The following KHDRBS2 variants were observed in gnomAD, a reference collection of about 807,000 sequenced individuals.
The protein encoded by KHDRBS2 is KH RNA binding domain containing, signal transduction associated 2.
In KHDRBS2, 26 loss-of-function variants were observed where a neutral mutation model predicts 44.3. That is an observed-to-expected ratio of 0.59 (90% CI 0.43 to 0.81). KHDRBS2 has a LOEUF of 0.81. Among genes scored for constraint, KHDRBS2 ranks in the 40% least tolerant of loss-of-function variants. The probability of loss-of-function intolerance (pLI) is 0.00; values close to 1 mark genes in which losing one functional copy is unlikely to be tolerated. For missense variants in KHDRBS2, 476 were observed against 433.1 expected (o/e 1.10, Z -0.88); for synonymous variants, 194 against 151.1 (o/e 1.28, Z -2.08).
the KHDRBS2 span, among the ~76,000 whole-genome samples, chr6:61,607,325 A>G: frequency 6.6e-6 from 1 of 151,576 alleles, no homozygotes; most frequent in African/African-American, 2.4e-5. Context: ...ATACTGCACA[A>G]TTTAATAAAC....
intron 6 of KHDRBS2, among the ~76,000 whole-genome samples, chr6:61,861,602 G>C (rs1443165797): frequency 2.0e-5 from 3 of 149,756 alleles, no homozygotes; most frequent in Non-Finnish European, 4.4e-5. Flanking sequence ...GTACCATGCT[G>C]TTTCAATTAC....
chr6:62,217,111 T>C (rs1830140461), intron 1 of KHDRBS2, among the ~76,000 whole-genome samples: 1 of 151,654 alleles, frequency 6.6e-6, no homozygotes, highest in Non-Finnish European at 1.5e-5. Flanking sequence ...CATTATTATT[T>C]ATTTCAAACA....
At chr6:62,071,923 A>C (rs1438613872) in intron 2 of KHDRBS2, among the ~76,000 whole-genome samples, 1 of 152,092 alleles carries the variant, frequency 6.6e-6, no homozygotes, top group Admixed American at 6.6e-5. Flanking sequence ...TCTATAAATT[A>C]CCTTGGACAG....
At chr6:61,830,357 G>T (rs1791599106) in intron 6 of KHDRBS2, among the ~76,000 whole-genome samples, 1 of 152,144 alleles carries the variant, frequency 6.6e-6, no homozygotes, top group Non-Finnish European at 1.5e-5. Context: ...ATTGTTAGAG[G>T]TCTTCTCTGA....
the KHDRBS2 span, among the ~76,000 whole-genome samples, chr6:61,646,435 T>G: frequency 1.4e-4 from 22 of 152,302 alleles, no homozygotes; most frequent in East Asian, 3.5e-3. Context: ...GACAACTACT[T>G]TCTTTTCTTC....
intron 2 of KHDRBS2, among the ~76,000 whole-genome samples, chr6:62,062,921 A>C (rs1377993112): frequency 1.3e-5 from 2 of 149,798 alleles, no homozygotes; most frequent in East Asian, 4.0e-4. Context: ...AATCAAATAG[A>C]CGCAATAAAA....
intron 7 of KHDRBS2, among the ~76,000 whole-genome samples, chr6:61,707,850 C>T (rs1769844217): frequency 1.3e-5 from 2 of 151,512 alleles, no homozygotes; most frequent in African/African-American, 4.8e-5. Context: ...AATGGAAAAC[C>T]ATGGGAAAGA....
At chr6:62,212,051 C>T (rs1829145318) in intron 1 of KHDRBS2, among the ~76,000 whole-genome samples, 1 of 152,082 alleles carries the variant, frequency 6.6e-6, no homozygotes. Flanking sequence ...CAAACTAATG[C>T]AGGAACAGAA....
chr6:61,888,998 T>C (rs1360041030), intron 6 of KHDRBS2, among the ~76,000 whole-genome samples: 1 of 152,108 alleles, frequency 6.6e-6, no homozygotes, highest in Non-Finnish European at 1.5e-5. Flanking sequence ...GTGCTTCTGC[T>C]TTTTGCAATC....
chr6:61,662,910 A>C, the KHDRBS2 span, among the ~76,000 whole-genome samples: 1 of 152,000 alleles, frequency 6.6e-6, no homozygotes, highest in Non-Finnish European at 1.5e-5. Context: ...GTATATACCC[A>C]AAGGATTATA....
chr6:61,564,373 T>C, the KHDRBS2 span, among the ~76,000 whole-genome samples: 1 of 138,912 alleles, frequency 7.2e-6, no homozygotes, highest in African/African-American at 2.5e-5. Context: ...TCAACTTTTC[T>C]TGTTTTTTAA....
chr6:62,169,178 T>TAG (rs1562992065), intron 2 of KHDRBS2, among the ~76,000 whole-genome samples: 1 of 143,538 alleles, frequency 7.0e-6, no homozygotes, highest in Non-Finnish European at 1.5e-5. Flanking sequence ...TATGTATATA[T>TAG]GTATATATAC....
At chr6:61,752,952 T>G (rs972193578) in intron 6 of KHDRBS2, among the ~76,000 whole-genome samples, 3 of 152,152 alleles carry the variant, frequency 2.0e-5, no homozygotes, top group African/African-American at 4.8e-5. Context: ...ATAATAATAA[T>G]TTTAAAAGCA....
At chr6:62,265,941 C>T (rs868402702) in intron 1 of KHDRBS2, among the ~76,000 whole-genome samples, 15 of 152,054 alleles carry the variant, frequency 9.9e-5, no homozygotes, top group Non-Finnish European at 2.2e-4. Context: ...TGTTATCAGG[C>T]AGCTACAATA....
At chr6:61,772,408 T>C (rs1046473787) in intron 6 of KHDRBS2, among the ~76,000 whole-genome samples, 2 of 151,956 alleles carry the variant, frequency 1.3e-5, no homozygotes, top group African/African-American at 4.8e-5. Context: ...ATCAACAAAA[T>C]TGATAGACCG....
At chr6:61,778,156 TA>T (rs1319046774) in intron 6 of KHDRBS2, among the ~76,000 whole-genome samples, 2 of 152,176 alleles carry the variant, frequency 1.3e-5, no homozygotes, top group Non-Finnish European at 2.9e-5. Flanking sequence ...AAAAATAATT[TA>T]TCAAAGTTAC....
intron 4 of KHDRBS2, among the ~76,000 whole-genome samples, chr6:61,927,876 T>A (rs961774215): frequency 2.0e-5 from 3 of 152,178 alleles, no homozygotes; most frequent in Non-Finnish European, 4.4e-5. Context: ...TGGCATGTGA[T>A]AGTTATCTAT....
chr6:61,574,364 A>G, the KHDRBS2 span: 74 of 1,526,958 alleles, frequency 4.8e-5, no homozygotes, highest in Non-Finnish European at 6.0e-5. Flanking sequence ...CTTACTTTCA[A>G]CCACTGCAAC....
intron 1 of KHDRBS2, among the ~76,000 whole-genome samples, chr6:62,248,289 T>TA (rs1283891759): frequency 6.6e-6 from 1 of 151,310 alleles, no homozygotes; most frequent in African/African-American, 2.4e-5. Context: ...TTGTGGTATT[T>TA]TAAAAAAAAA....
Sources: allele counts gnomAD v4.1 joint callset (sites outside exome capture counted in the v4.1 genomes callset), GRCh38; gene constraint gnomAD v4.1.1; transcripts MANE v1.5; gene names NCBI Gene and HGNC (gene_info 2026-07-23, HGNC 2026-07-21).